Variants in MAST4 observed in about 807,000 individuals in gnomAD.
MAST4 encodes the protein microtubule-associated serine/threonine-protein kinase 4.
Under a neutral mutation model 162.7 loss-of-function variants are expected in MAST4, and 89 were observed. That is an observed-to-expected ratio of 0.55 (90% CI 0.46 to 0.65). The LOEUF (loss-of-function observed/expected upper bound fraction) is 0.65, where lower values mean the gene tolerates loss of function less well. MAST4 is among the 30% of genes least tolerant of loss of function. The pLI is 0.00. For missense variants in MAST4, 3,153 were observed against 3,374.0 expected (o/e 0.93, Z 1.62); for synonymous variants, 1,479 against 1,361.1 (o/e 1.09, Z -1.91).
At chr5:66,809,861 G>A (rs1298819310) in intron 3 of MAST4, among the ~76,000 whole-genome samples, 2 of 152,106 alleles carry the variant, frequency 1.3e-5, no homozygotes, top group Admixed American at 1.3e-4. Context: ...TCAGCTTCCC[G>A]AGTAGCTGGG....
chr5:66,800,641 A>G (rs1038490369), intron 3 of MAST4, among the ~76,000 whole-genome samples: 1 of 152,264 alleles, frequency 6.6e-6, no homozygotes, highest in East Asian at 1.9e-4. Flanking sequence ...ACAAACCCCC[A>G]TGACACAGGT....
rs747120022 is a variant in MAST4 at position 67,164,354 on chromosome 5, C to G, written c.5175C>G (p.Pro1725=). ...HECLPGNPVR[P]TGGQQEPPPA... is the part of the protein sequence containing the mutation. ...GCCTGCCAGGGAACCCAGTCCGACC[C>G]ACGGGTGGGCAGCAGGAGCCCCCGC... Residue 1725 remains proline (P), a synonymous_variant, in exon 29 of 29, where the codon CCC becomes CCG. Transcript: ENST00000403625. This position sits in a 1 kb window ranked among gnomAD's most constrained non-coding sequence, Gnocchi z 5.3. 2.9e-5 allele frequency: 46 copies of G among 1,613,840 alleles called. No individual in the cohort carries two copies. Among genetic ancestry groups the G allele is most frequent in the Middle Eastern group, 3.3e-4 (2 of 6,084 alleles).
At chr5:67,007,788 TGTTA>T (rs148813205) in intron 4 of MAST4, among the ~76,000 whole-genome samples, 11 of 152,320 alleles carry the variant, frequency 7.2e-5, no homozygotes, top group African/African-American at 2.6e-4. Flanking sequence ...GATGCTGGTT[TGTTA>T]GTTTGTACTC....
At chr5:67,161,937 C>A (rs557676962) in intron 27 of MAST4, among the ~76,000 whole-genome samples, 6 of 152,274 alleles carry the variant, frequency 3.9e-5, no homozygotes, top group African/African-American at 1.4e-4. Context: ...CAGCCCGATG[C>A]CCTGCTAAGG....
Position 66,995,202 on chromosome 5 carries a change from A to G in MAST4, c.675-59202A>G, listed in dbSNP as rs943804116. On this transcript the variant is annotated intron_variant, in intron 4 of 28. Transcript: ENST00000403625. ...ATTTTAGTATTTATTTCCAAGACTC[A>G]TAGAGCTTTTATTAATGCATATGCA... 3.9e-5 allele frequency among the ~76,000 whole-genome samples: 6 copies of G among 152,212 alleles called. 1 individual carries two copies. The South Asian group carries it at 8.3e-4, about 21-fold the overall frequency.
chr5:66,828,096 AT>A (rs1267052417), intron 3 of MAST4, among the ~76,000 whole-genome samples: 1 of 152,098 alleles, frequency 6.6e-6, no homozygotes, highest in Non-Finnish European at 1.5e-5. Flanking sequence ...ACCTTTTTAC[AT>A]TTTGGTCAGG....
At chr5:66,959,125 C>T (rs933257340) in intron 4 of MAST4, 1 of 707,384 alleles carries the variant, frequency 1.4e-6, no homozygotes. Flanking sequence ...GCCTCCCCCT[C>T]CCCCTCGAGA....
intron 3 of MAST4, among the ~76,000 whole-genome samples, chr5:66,808,010 A>G (rs1756287178): frequency 6.6e-6 from 1 of 152,196 alleles, no homozygotes; most frequent in African/African-American, 2.4e-5. Flanking sequence ...TTCACTGCAC[A>G]TGTTTTTCCT....
At chr5:66,927,731 G>A (rs937198846) in intron 4 of MAST4, among the ~76,000 whole-genome samples, 2 of 152,214 alleles carry the variant, frequency 1.3e-5, no homozygotes, top group African/African-American at 2.4e-5. Context: ...TCTGCCTCAT[G>A]TATCAGTTTC....
intron 1 of MAST4, among the ~76,000 whole-genome samples, chr5:66,757,912 G>A (rs1753639770): frequency 6.6e-6 from 1 of 152,192 alleles, no homozygotes; most frequent in Non-Finnish European, 1.5e-5. Context: ...GACTCTAGAT[G>A]AACTCAGTGA....
chr5:66,907,587 C>T (rs866774433), intron 4 of MAST4, among the ~76,000 whole-genome samples: 2 of 144,140 alleles, frequency 1.4e-5, no homozygotes, highest in Non-Finnish European at 3.0e-5. Flanking sequence ...TAGGTTGATG[C>T]GTGTGTGTGT....
intron 3 of MAST4, among the ~76,000 whole-genome samples, chr5:66,862,518 A>G (rs1411681895): frequency 6.6e-6 from 1 of 152,218 alleles, no homozygotes; most frequent in Non-Finnish European, 1.5e-5. Flanking sequence ...TCGATATGTA[A>G]TGTTTTAAAA....
chr5:66,856,527 G>A (rs1320851087), intron 3 of MAST4, among the ~76,000 whole-genome samples: 1 of 152,202 alleles, frequency 6.6e-6, no homozygotes, highest in Non-Finnish European at 1.5e-5. Context: ...TGAGATATTG[G>A]TCTCAGTTTT....
chr5:67,053,615 G>A (rs1019683466), intron 4 of MAST4, among the ~76,000 whole-genome samples: 6 of 152,170 alleles, frequency 3.9e-5, no homozygotes, highest in Admixed American at 1.3e-4. Flanking sequence ...TCACCCATCC[G>A]CCAGTTTTGT....
intron 3 of MAST4, among the ~76,000 whole-genome samples, chr5:66,802,519 A>G (rs539838901): frequency 6.6e-6 from 1 of 152,256 alleles, no homozygotes; most frequent in Non-Finnish European, 1.5e-5. Flanking sequence ...CACTTCTTGC[A>G]TATGTAAAGG....
intron 1 of MAST4, 140 bp downstream of exon 1, chr5:66,597,158 G>C (rs62362262): frequency 0.044 from 50,747 of 1,142,504 alleles, 1,313 homozygotes; most frequent in Middle Eastern, 0.055. Flanking sequence ...CCCCGAGCAC[G>C]GGACAACGAT....
intron 4 of MAST4, among the ~76,000 whole-genome samples, chr5:66,950,895 C>T (rs1413952761): frequency 2.0e-5 from 3 of 152,152 alleles, no homozygotes; most frequent in African/African-American, 7.2e-5. Context: ...TTTACATTTC[C>T]GCAGTTATAC....
intron 5 of MAST4, among the ~76,000 whole-genome samples, chr5:67,057,656 T>C (rs890454511): frequency 1.4e-5 from 2 of 146,898 alleles, no homozygotes; most frequent in Admixed American, 1.4e-4. Flanking sequence ...CAGGCTCTTA[T>C]GTCCAGGAAG....
chr5:66,974,534 C>G (rs1412084715), intron 4 of MAST4, among the ~76,000 whole-genome samples: 1 of 152,208 alleles, frequency 6.6e-6, no homozygotes, highest in Non-Finnish European at 1.5e-5. Context: ...AGAAGTATTA[C>G]TAACAACGCG....
Sources: gnomAD v4.1 joint callset for allele counts (sites outside exome capture counted in the v4.1 genomes callset) on GRCh38, gnomAD v4.1.1 for gene constraint, Gnocchi (gnomAD v3.1) non-coding constraint, MANE v1.5 for transcripts, NCBI Gene and HGNC (gene_info 2026-07-23, HGNC 2026-07-21) for gene names.